Variants in EXOC3 observed in about 807,000 individuals in gnomAD.
EXOC3 encodes the protein exocyst complex component 3.
Under a neutral mutation model 73.7 loss-of-function variants are expected in EXOC3, and 21 were observed. The observed-to-expected ratio is 0.29, with a 90% CI of 0.20 to 0.41. The LOEUF (loss-of-function observed/expected upper bound fraction) is 0.41. Among genes scored for constraint, EXOC3 ranks in the 10% least tolerant of loss-of-function variants. EXOC3 has a pLI of 1.00. For missense variants in EXOC3, 842 were observed against 985.1 expected (o/e 0.85, Z 1.95); for synonymous variants, 410 against 389.1 (o/e 1.05, Z -0.63).
rs1737837786 is a variant in EXOC3, at chr5:456,985, C to T, written c.1143C>T (p.Asp381=). The T allele has an allele frequency of 2.5e-6, 4 of 1,613,670 alleles. No individual in the cohort carries two copies. Among genetic ancestry groups the T allele is most frequent in the Non-Finnish European group, 2.5e-6 (3 of 1,179,584 alleles). Residue 381 remains aspartate (D), a synonymous_variant, in exon 5 of 13, where the codon GAC becomes GAT. Transcript: ENST00000512944. ...CACACGTGGTCTCTGAGCTGCTTGA[C>T]ACGTACATGTCCACGCTCACTGTGA... ...LSPHVVSELL[D]TYMSTLTSNI...
intron 3 of EXOC3, among the ~76,000 whole-genome samples, chr5:450,554 T>G (rs1360720938): frequency 6.6e-6 from 1 of 152,206 alleles, no homozygotes; most frequent in Non-Finnish European, 1.5e-5. Flanking sequence ...GGTTGGTTGG[T>G]TGCATTGTTC....
chr5:447,691 C>G lies in EXOC3; in HGVS notation c.303C>G (p.Asp101Glu). 6.3e-7 allele frequency: 1 copy of G among 1,591,104 alleles called. No individual in the cohort carries two copies. The highest frequency in any genetic ancestry group is 2.3e-5 in the East Asian group (1 of 43,536). ...TTGAGAGCCTCAAGGACGTCAAAGA[C>G]GCCGTGGTGCAGCACAGCCAGCTCG... Reference protein sequence around the residue: ...NTIESLKDVKDAVVQHSQLAA... With the variant: ...NTIESLKDVKEAVVQHSQLAA... The change falls in exon 3 of 13, where the codon GAC becomes GAG. Residue 101 changes from aspartate to glutamate, a missense_variant. By Grantham distance (45) the Asp-to-Glu change is conservative (BLOSUM62 2). Transcript: ENST00000512944.
chr5:453,678 C>G lies in EXOC3; in HGVS notation c.673C>G (p.Arg225Gly), dbSNP rs771248939. 2 of 1,613,882 alleles carry G rather than the reference C, an allele frequency of 1.2e-6. No homozygotes were observed. Among genetic ancestry groups the G allele is most frequent in the Non-Finnish European group, 1.7e-6 (2 of 1,179,874 alleles). ...IIEREEKIDR[R>G]ILDRKKQTGF... ...TGAAAGGGAAGAGAAAATTGACAGG[C>G]GCATACTTGACCGGAAAAAGCAAAC... The change falls in exon 4 of 13, where the codon CGC (arginine) becomes GGC (glycine). Residue 225 changes from arginine (R) to glycine (G), a missense_variant. By Grantham distance (125) the Arg-to-Gly change is moderately radical. Coordinates refer to ENST00000512944, the MANE Select transcript of EXOC3 (RefSeq NM_007277.5).
At chr5:450,587 G>T (rs1291669971) in intron 3 of EXOC3, among the ~76,000 whole-genome samples, 2 of 152,070 alleles carry the variant, frequency 1.3e-5, no homozygotes, top group Non-Finnish European at 2.9e-5. Flanking sequence ...TCCTTGTTTA[G>T]CTTCTGTCTG....
intron 5 of EXOC3, chr5:457,318 T>G: frequency 5.6e-6 from 2 of 356,228 alleles, no homozygotes; most frequent in East Asian, 5.5e-5. Context: ...CTCTCGGCTC[T>G]GAGTCCCATG....
chr5:460,231 A>C (rs1162499464), intron 7 of EXOC3, among the ~76,000 whole-genome samples: 2 of 152,218 alleles, frequency 1.3e-5, no homozygotes, highest in Non-Finnish European at 2.9e-5. Context: ...ATGAGGGCTT[A>C]GGGTTCCTAG....
chr5:450,297 CATTA>C (rs1737626556), intron 3 of EXOC3, among the ~76,000 whole-genome samples: 1 of 152,134 alleles, frequency 6.6e-6, no homozygotes, highest in African/African-American at 2.4e-5. Context: ...TTTTTTGCCC[CATTA>C]ATTGTTTAAG....
chr5:465,837 A>AATACTGC lies in EXOC3; in HGVS notation c.2058_2059insATACTGC (p.Asp687IlefsTer7). 6.2e-7 allele frequency: 1 copy of AATACTGC among 1,610,524 alleles called. No individual in the cohort carries two copies. ...TCTCCACTCTGGTCAGCAAGTATCCAGACATCAGGTAAGGGATGCACGTCT... is the reference window on the plus strand; with the variant it reads ...TCTCCACTCTGGTCAGCAAGTATCCAATACTGCGACATCAGGTAAGGGATGCACGTCT... On this transcript the variant is annotated frameshift_variant, in exon 12 of 13. Transcript: ENST00000512944. LOFTEE classifies it high-confidence loss of function.
chr5:443,450 C>A (rs564856372), intron 1 of EXOC3, among the ~76,000 whole-genome samples, 160 bp downstream of exon 1: 2 of 152,368 alleles, frequency 1.3e-5, no homozygotes, highest in Non-Finnish European at 2.9e-5. Flanking sequence ...CGTGGAGTAT[C>A]CCGCTCGTGC....
At chr5:458,754 G>A (rs1295877873) in intron 6 of EXOC3, among the ~76,000 whole-genome samples, 3 of 152,206 alleles carry the variant, frequency 2.0e-5, no homozygotes, top group Admixed American at 6.5e-5. Flanking sequence ...ATGGAGCCCC[G>A]TTGTGTTAGA....
At chr5:444,525 A>C (rs1737445787) in intron 1 of EXOC3, among the ~76,000 whole-genome samples, 1 of 152,230 alleles carries the variant, frequency 6.6e-6, no homozygotes, top group Non-Finnish European at 1.5e-5. Flanking sequence ...AAAATCATAC[A>C]GGCTTTAATG....
At position 465,121 on chromosome 5, in the gene EXOC3, C is replaced by A; in HGVS notation, c.1787C>A (p.Ala596Asp). The A allele has an allele frequency of 6.3e-7, 1 of 1,581,490 alleles. No homozygotes were observed. Among genetic ancestry groups the A allele is most frequent in the South Asian group, 1.2e-5 (1 of 86,806 alleles). ...IKKPYKKRMT[A>D]EAHRRVVVEY... ...CGCGTGTCTCCCCAGAGGATGACGG[C>A]CGAGGCGCACCGGCGCGTGGTGGTG... Residue 596 changes from alanine (A) to aspartate (D), a missense_variant, in exon 11 of 13, where the codon GCC becomes GAC. Coordinates refer to ENST00000512944, the MANE Select transcript of EXOC3 (RefSeq NM_007277.5).
chr5:462,532 A>G (rs1738021393), intron 9 of EXOC3: 1 of 551,490 alleles, frequency 1.8e-6, no homozygotes, highest in Non-Finnish European at 3.2e-6. Flanking sequence ...TTCACCCTGT[A>G]AGTATTAAAG....
intron 1 of EXOC3, among the ~76,000 whole-genome samples, chr5:444,045 TGGCAGAGGTGTCTGCCC>T (rs977547736): frequency 2.0e-4 from 31 of 151,802 alleles, no homozygotes; most frequent in Admixed American, 3.3e-4. Flanking sequence ...GGGTCCCTCC[TGGCAGAGGTGTCTGCCC>T]GGCAGAGGTG....
chr5:444,022 T>TC (rs1737430727), intron 1 of EXOC3, among the ~76,000 whole-genome samples: 1 of 151,358 alleles, frequency 6.6e-6, no homozygotes, highest in African/African-American at 2.4e-5. Flanking sequence ...GGCGCAGGCG[T>TC]CCCCCCGGTA....
chr5:464,552 C>A, intron 10 of EXOC3, 140 bp downstream of exon 10: 2 of 891,180 alleles, frequency 2.2e-6, no homozygotes, highest in Non-Finnish European at 3.5e-6. Context: ...AGGCAATAGG[C>A]TCTGCGGACG....
chr5:443,925 T>TCAAGGTGCAGGTGTCCTC lies in EXOC3; in HGVS notation c.-57+656_-57+673dup, dbSNP rs535123767. Among the ~76,000 whole-genome samples the TCAAGGTGCAGGTGTCCTC allele has an allele frequency of 5.3e-5, 8 of 151,060 alleles. No homozygotes were observed. In the South Asian group the frequency reaches 1.5e-3, roughly 28 times the overall value. On this transcript the variant is annotated intron_variant, in intron 1 of 12. Transcript: ENST00000512944. ...GTCCTTCCTGGCCTTTAGGAAGCTT[T>TCAAGGTGCAGGTGTCCTC]CAAGGTGCAGGTGTCCTCCAAGGTG... is the stretch of plus-strand genomic sequence containing the variant.
chr5:462,477 C>G, intron 9 of EXOC3, 170 bp downstream of exon 9: 1 of 656,022 alleles, frequency 1.5e-6, no homozygotes, highest in East Asian at 2.6e-5. Flanking sequence ...TTCGGTGACG[C>G]TGCTTCGTAT....
At chr5:443,951 C>T (rs1341295645) in intron 1 of EXOC3, among the ~76,000 whole-genome samples, 1 of 152,032 alleles carries the variant, frequency 6.6e-6, no homozygotes, top group Non-Finnish European at 1.5e-5. Flanking sequence ...CTCCAAGGTG[C>T]AGGTGTCCTC....
Sources: allele counts gnomAD v4.1 joint callset (sites outside exome capture counted in the v4.1 genomes callset), GRCh38; gene constraint gnomAD v4.1.1; transcripts MANE v1.5; gene names NCBI Gene and HGNC (gene_info 2026-07-23, HGNC 2026-07-21).